RHEB: variants seen among roughly 807,000 people sequenced by gnomAD.
RHEB encodes GTP-binding protein Rheb.
In RHEB, 2 loss-of-function variants were observed where a neutral mutation model predicts 28.8. The ratio of observed to expected loss-of-function variants is 0.07; its 90% CI spans 0.03 to 0.22. RHEB has a LOEUF of 0.22. Among genes scored for constraint, RHEB ranks in the 10% least tolerant of loss-of-function variants. The probability of loss-of-function intolerance (pLI) is 1.00; values close to 1 mark genes in which losing one functional copy is unlikely to be tolerated. For synonymous variants in RHEB, 69 were observed against 77.3 expected (o/e 0.89, Z 0.56); for missense variants, 76 against 219.9 (o/e 0.35, Z 4.14).
rs117135269 is a variant in RHEB at position 151,512,275 on chromosome 7, T to C, written c.52+7185A>G. ...TCTGAATCTTCACCCAAGAAAAGCA[T>C]TGTGCATCTCTGACCTTCCACAATC... On this transcript the variant is annotated intron_variant, in intron 1 of 7. Transcript: ENST00000262187. Among the ~76,000 whole-genome samples, 506 of 152,310 alleles carry C rather than the reference T, an allele frequency of 3.3e-3. 1 individual carries two copies. The highest frequency in any genetic ancestry group is 3.9e-3 in the Non-Finnish European group (266 of 68,022).
chr7:151,484,316 C>A (rs917671555), intron 3 of RHEB, among the ~76,000 whole-genome samples: 5 of 152,150 alleles, frequency 3.3e-5, no homozygotes, highest in Non-Finnish European at 7.3e-5. Flanking sequence ...TAGAAAACCA[C>A]TATCCTGTAA....
chr7:151,490,211 GA>G (rs1802555336), intron 2 of RHEB, among the ~76,000 whole-genome samples: 1 of 152,214 alleles, frequency 6.6e-6, no homozygotes, highest in Non-Finnish European at 1.5e-5. Context: ...GCTGAGGAAA[GA>G]GGATCACTTG....
chr7:151,487,516 T>C (rs1802500050), intron 2 of RHEB, among the ~76,000 whole-genome samples: 1 of 147,952 alleles, frequency 6.8e-6, no homozygotes, highest in African/African-American at 2.6e-5. Flanking sequence ...TTGTACATAG[T>C]GTATAAAAGA....
intron 3 of RHEB, among the ~76,000 whole-genome samples, chr7:151,480,710 G>T (rs1802368452): frequency 6.8e-6 from 1 of 148,132 alleles, no homozygotes. Context: ...TTGAGACAGA[G>T]TTTCACTCTT....
intron 3 of RHEB, among the ~76,000 whole-genome samples, chr7:151,478,281 A>G (rs140634319): frequency 1.5e-3 from 228 of 152,244 alleles, no homozygotes; most frequent in African/African-American, 5.1e-3. Context: ...ACATCATGGT[A>G]CCAGAAGATT....
chr7:151,505,935 A>AAACT, intron 1 of RHEB, among the ~76,000 whole-genome samples: 1 of 152,248 alleles, frequency 6.6e-6, no homozygotes, highest in East Asian at 1.9e-4. Context: ...AGGGTAAGAA[A>AAACT]AACTAACCCA....
intron 1 of RHEB, among the ~76,000 whole-genome samples, chr7:151,497,687 GCTC>G (rs1802698074): frequency 6.6e-6 from 1 of 152,168 alleles, no homozygotes; most frequent in Admixed American, 6.5e-5. Context: ...AGTGACTGGA[GCTC>G]CTGAGCTGGG....
At chr7:151,471,756 A>G in intron 4 of RHEB, 151 bp from the exon 5 acceptor site, 1 of 608,264 alleles carries the variant, frequency 1.6e-6, no homozygotes, top group Non-Finnish European at 2.9e-6. Flanking sequence ...GTTTTTTCCT[A>G]GCAATCCATT....
chr7:151,489,189 T>C (rs775185409), intron 2 of RHEB, among the ~76,000 whole-genome samples: 3 of 152,258 alleles, frequency 2.0e-5, no homozygotes, highest in Admixed American at 6.5e-5. Context: ...ATTGTTCTGT[T>C]AATACAATTC....
chr7:151,503,876 G>T (rs1220719379), intron 1 of RHEB, among the ~76,000 whole-genome samples: 2 of 151,762 alleles, frequency 1.3e-5, no homozygotes, highest in Non-Finnish European at 2.9e-5. Flanking sequence ...TTCTTATTTT[G>T]ATTGGAGAAA....
chr7:151,477,445 G>T, intron 3 of RHEB, 30 bp from the exon 4 acceptor site: 1 of 1,282,968 alleles, frequency 7.8e-7, no homozygotes, highest in Non-Finnish European at 1.1e-6. Flanking sequence ...TCTTTGAGTA[G>T]TCTTCATATA....
chr7:151,479,637 C>T (rs372417240), intron 3 of RHEB, among the ~76,000 whole-genome samples: 4 of 148,552 alleles, frequency 2.7e-5, no homozygotes, highest in East Asian at 2.0e-4. Flanking sequence ...GAGCCGAGAT[C>T]GCGCCACAGC....
intron 1 of RHEB, among the ~76,000 whole-genome samples, chr7:151,511,225 T>C (rs1023486721): frequency 1.3e-5 from 2 of 152,264 alleles, no homozygotes; most frequent in South Asian, 2.1e-4. Flanking sequence ...TCACAAATTA[T>C]GTACTATGCC....
intron 1 of RHEB, among the ~76,000 whole-genome samples, chr7:151,496,848 T>C (rs1245696103): frequency 6.6e-6 from 1 of 152,128 alleles, no homozygotes; most frequent in Non-Finnish European, 1.5e-5. Flanking sequence ...GATGCAATTT[T>C]GGCTCATTGT....
chr7:151,481,079 C>T (rs983429837), intron 3 of RHEB, among the ~76,000 whole-genome samples: 6 of 151,700 alleles, frequency 4.0e-5, no homozygotes, highest in Admixed American at 6.6e-5. Context: ...ACAAGCTTAA[C>T]GTTCCAATAA....
chr7:151,501,928 C>A (rs1382447180), intron 1 of RHEB: 12 of 720,188 alleles, frequency 1.7e-5, no homozygotes, highest in Non-Finnish European at 2.8e-5. Flanking sequence ...TCTGGAAGAT[C>A]AAGAAGCTCA....
intron 1 of RHEB, chr7:151,503,067 G>T: frequency 2.5e-6 from 2 of 795,470 alleles, no homozygotes; most frequent in Non-Finnish European, 4.6e-6. Flanking sequence ...TACTGTTTTG[G>T]CGTTGAAGAT....
chr7:151,466,410 G>A lies in RHEB; in HGVS notation c.*709C>T, dbSNP rs1042785671. 2 of 152,330 alleles carry A rather than the reference G, an allele frequency of 1.3e-5. No individual in the cohort carries two copies. The highest frequency in any genetic ancestry group is 2.4e-5 in the African/African-American group (1 of 41,462). 9.4% of individuals were successfully genotyped at this position (152,330 alleles called of 1,614,324 possible). On this transcript the variant is annotated 3_prime_UTR_variant, in exon 8 of 8. Coordinates refer to ENST00000262187, the MANE Select transcript of RHEB (RefSeq NM_005614.4). ...CTCCTTGACCAGGCTCCCGACCACG[G>A]AGCATTTCAGTCAAGGTCTAGGGAT...
chr7:151,466,562 C>CTGTGCAGGA lies in RHEB; in HGVS notation c.*556_*557insTCCTGCACA, dbSNP rs147859754. On this transcript the variant is annotated 3_prime_UTR_variant, in exon 8 of 8. Transcript: ENST00000262187. ...TGCAGGCCACTGCGCAGGGAGTCCA[C>CTGTGCAGGA]GGTCAGCAGCCACCTCAGCACACCT... 1.3e-5 allele frequency: 2 copies of CTGTGCAGGA among 154,346 alleles called. No homozygotes were observed. The highest frequency in any genetic ancestry group is 4.8e-5 in the African/African-American group (2 of 41,428). The allele number at this position is 154,346 out of a possible 1,614,324, so 9.6% of individuals were successfully genotyped here. A position where few individuals can be genotyped will look rare whatever the true frequency, so the allele number is the denominator to read the frequency against.
Sources: gnomAD v4.1 joint callset for allele counts (sites outside exome capture counted in the v4.1 genomes callset) on GRCh38, gnomAD v4.1.1 for gene constraint, MANE v1.5 for transcripts, NCBI Gene and HGNC (gene_info 2026-07-23, HGNC 2026-07-21) for gene names.